Variants in SLIT3 observed in about 807,000 individuals in gnomAD.
The protein encoded by SLIT3 is slit homolog 3 protein.
SLIT3 carries 68 observed loss-of-function variants against 184.0 expected under a neutral mutation model. The ratio of observed to expected loss-of-function variants is 0.37; its 90% confidence interval spans 0.30 to 0.45. The LOEUF is 0.45. Among genes scored for constraint, SLIT3 ranks in the 20% least tolerant of loss-of-function variants. The pLI is 1.00. For missense variants in SLIT3, 1,707 were observed against 2,026.0 expected (o/e 0.84, Z 3.02); for synonymous variants, 831 against 828.6 (o/e 1.00, Z -0.05).
chr5:169,000,830 C>T (rs1462207550), intron 4 of SLIT3, among the ~76,000 whole-genome samples: 3 of 152,326 alleles, frequency 2.0e-5, no homozygotes, highest in Admixed American at 6.5e-5. Flanking sequence ...ACCCGACAAC[C>T]TATTCTTGAA....
intron 20 of SLIT3, among the ~76,000 whole-genome samples, chr5:168,746,461 G>GTGGGTGTGGCA (rs1415414518): frequency 0.025 from 2,471 of 99,736 alleles, 550 homozygotes; most frequent in Admixed American, 0.056. Flanking sequence ...AGTGTGTGGT[G>GTGGGTGTGGCA]GTGTGCGGTG....
chr5:169,084,709 T>G (rs1299289598), intron 4 of SLIT3, among the ~76,000 whole-genome samples: 1 of 152,242 alleles, frequency 6.6e-6, no homozygotes, highest in African/African-American at 2.4e-5. Flanking sequence ...TCCATACCCC[T>G]GGGTGACAAA....
At chr5:168,703,195 C>A (rs1036173882) in intron 26 of SLIT3, among the ~76,000 whole-genome samples, 4 of 151,662 alleles carry the variant, frequency 2.6e-5, no homozygotes, top group Admixed American at 6.6e-5. Context: ...CTCCTTGGTC[C>A]TCCACCACAC....
chr5:168,852,941 T>C (rs1165673209), intron 5 of SLIT3, among the ~76,000 whole-genome samples: 1 of 152,222 alleles, frequency 6.6e-6, no homozygotes, highest in Non-Finnish European at 1.5e-5. Flanking sequence ...ACAAGTAATA[T>C]TAAATTTAGG....
chr5:168,770,718 T>A (rs961747599), intron 14 of SLIT3, among the ~76,000 whole-genome samples: 3 of 152,144 alleles, frequency 2.0e-5, no homozygotes, highest in Non-Finnish European at 4.4e-5. Flanking sequence ...TCTCCCTGTT[T>A]CTTTTTTAAA....
intron 3 of SLIT3, among the ~76,000 whole-genome samples, chr5:169,225,411 GGGATTCCAA>G (rs1764768765): frequency 6.6e-6 from 1 of 152,214 alleles, no homozygotes; most frequent in Non-Finnish European, 1.5e-5. Context: ...TGCTCTGACT[GGGATTCCAA>G]AGCAGGACGC....
intron 35 of SLIT3, among the ~76,000 whole-genome samples, chr5:168,669,236 CCAATTGTAGGTCATA>C (rs1761155327): frequency 6.6e-6 from 1 of 152,180 alleles, no homozygotes; most frequent in Non-Finnish European, 1.5e-5. Context: ...TGAGTGACTT[CCAATTGTAGGTCATA>C]CAAGACAAGT....
intron 9 of SLIT3, among the ~76,000 whole-genome samples, chr5:168,804,087 A>C (rs1756866243): frequency 6.6e-6 from 1 of 151,860 alleles, no homozygotes; most frequent in Admixed American, 6.6e-5. Context: ...CGGGTGGATC[A>C]CCTGAGGTCA....
chr5:168,763,181 G>A (rs1246135398), intron 14 of SLIT3, among the ~76,000 whole-genome samples: 2 of 152,024 alleles, frequency 1.3e-5, no homozygotes, highest in Non-Finnish European at 2.9e-5. Flanking sequence ...TTATGGGAAG[G>A]GGTTGCAAAC....
intron 4 of SLIT3, among the ~76,000 whole-genome samples, chr5:169,152,937 C>T (rs1199631045): frequency 1.3e-5 from 2 of 152,152 alleles, no homozygotes; most frequent in African/African-American, 4.8e-5. Context: ...AGCCTGGTTT[C>T]GCTGTGAGTC....
At chr5:169,018,164 T>C (rs1462598973) in intron 4 of SLIT3, among the ~76,000 whole-genome samples, 1 of 152,204 alleles carries the variant, frequency 6.6e-6, no homozygotes, top group East Asian at 1.9e-4. Flanking sequence ...CCCAGAAAAC[T>C]GAGGCAGATC....
intron 4 of SLIT3, among the ~76,000 whole-genome samples, chr5:168,965,730 C>A (rs548454877): frequency 1.4e-4 from 22 of 152,232 alleles, no homozygotes; most frequent in Non-Finnish European, 2.4e-4. Context: ...AGTTTACTGT[C>A]TCTCCGAGGG....
intron 5 of SLIT3, among the ~76,000 whole-genome samples, chr5:168,867,372 G>A (rs2113759526): frequency 6.6e-6 from 1 of 152,368 alleles, no homozygotes; most frequent in African/African-American, 2.4e-5. Context: ...TGGTGCTGGT[G>A]ACAGAGAGGC....
intron 4 of SLIT3, among the ~76,000 whole-genome samples, chr5:168,939,845 C>T (rs552619166): frequency 1.3e-5 from 2 of 152,302 alleles, no homozygotes; most frequent in East Asian, 3.9e-4. Flanking sequence ...GAACACTTTC[C>T]ACGTGCCTGG....
chr5:169,051,141 G>C (rs111337683), intron 4 of SLIT3, among the ~76,000 whole-genome samples: 3 of 152,118 alleles, frequency 2.0e-5, no homozygotes, highest in African/African-American at 7.2e-5. Flanking sequence ...AGACTTTGTG[G>C]GTCCTTCAGA....
intron 6 of SLIT3, among the ~76,000 whole-genome samples, chr5:168,831,526 A>G (rs77318693): frequency 0.01 from 1,592 of 152,286 alleles, 32 homozygotes; most frequent in African/African-American, 0.037. Context: ...AGAAAACATA[A>G]TGATCTCACA....
intron 32 of SLIT3, among the ~76,000 whole-genome samples, chr5:168,677,728 C>T (rs1345248915): frequency 2.0e-5 from 3 of 152,182 alleles, no homozygotes; most frequent in African/African-American, 4.8e-5. Context: ...GGATTATAGG[C>T]GTGAGCCAGC....
At chr5:168,898,396 CTT>C (rs67374761) in intron 4 of SLIT3, among the ~76,000 whole-genome samples, 4,426 of 141,800 alleles carry the variant, frequency 0.031, 118 homozygotes, top group African/African-American at 0.073. Context: ...TGGAGGGAGA[CTT>C]TTTTTTTTTT....
chr5:168,924,986 C>G (rs1761768369), intron 4 of SLIT3, among the ~76,000 whole-genome samples: 1 of 152,186 alleles, frequency 6.6e-6, no homozygotes, highest in Non-Finnish European at 1.5e-5. Flanking sequence ...GCCCTGATTT[C>G]AGTTTCAGAG....
Sources: allele counts gnomAD v4.1 joint callset (sites outside exome capture counted in the v4.1 genomes callset), GRCh38; gene constraint gnomAD v4.1.1; transcripts MANE v1.5; gene names NCBI Gene and HGNC (gene_info 2026-07-23, HGNC 2026-07-21).